CNOT3: variants seen among roughly 807,000 people sequenced by gnomAD.
CNOT3 encodes the protein CCR4-NOT transcription complex subunit 3, also known as CCR4-associated factor 3.
Under a neutral mutation model 89.4 loss-of-function variants are expected in CNOT3, and 2 were observed. The ratio of observed to expected loss-of-function variants is 0.02; its 90% CI spans 0.01 to 0.07. The LOEUF (loss-of-function observed/expected upper bound fraction) is 0.07. Ranked by LOEUF, CNOT3 falls within the 10% of genes least tolerant of loss-of-function variation. CNOT3 has a pLI of 1.00. For missense variants in CNOT3, 664 were observed against 1,010.2 expected, an observed-to-expected ratio of 0.66 and a Z score of 4.65; for synonymous variants, 486 against 402.0, an observed-to-expected ratio of 1.21 and a Z score of -2.50.
At chr19:54,147,326 C>T (rs2074734221) in intron 10 of CNOT3, among the ~76,000 whole-genome samples, 1 of 152,162 alleles carries the variant, frequency 6.6e-6, no homozygotes, top group Non-Finnish European at 1.5e-5. Context: ...AAGGGGACAC[C>T]CTGAGTGGGC....
Position 54,142,930 on chromosome 19 carries a change from G to C in CNOT3, c.-49G>C, listed in dbSNP as rs150786079. On this transcript the variant is annotated splice_region_variant and 5_prime_UTR_variant, in exon 2 of 18. Coordinates refer to ENST00000221232, the MANE Select transcript of CNOT3 (RefSeq NM_014516.4). ...TTCCTCTCCAATCTCTCCTAGCAGC[G>C]TCCGTCTCCAAGAGAGTATGAAGAG... 1.3e-6 allele frequency: 2 copies of C among 1,597,942 alleles called. No homozygotes were observed. Among genetic ancestry groups the C allele is most frequent in the Non-Finnish European group, 1.7e-6 (2 of 1,166,116 alleles).
chr19:54,152,731 G>A, intron 15 of CNOT3, 105 bp downstream of exon 15: 1 of 1,063,734 alleles, frequency 9.4e-7, no homozygotes, highest in Non-Finnish European at 1.4e-6. Context: ...CCCTGACTTG[G>A]GCTCTCCACT....
intron 17 of CNOT3, 46 bp downstream of exon 17, chr19:54,153,886 A>G (rs2075278719): frequency 6.2e-7 from 1 of 1,613,570 alleles, no homozygotes; most frequent in East Asian, 2.2e-5. Context: ...GTTGGGGTAG[A>G]GTCCCCAGGC....
rs776162140 is a variant in CNOT3 at position 54,143,704 on chromosome 19, C to A, written c.213C>A (p.Ile71=). 6.2e-7 allele frequency: 1 copy of A among 1,613,926 alleles called. No individual in the cohort carries two copies. Among genetic ancestry groups the A allele is most frequent in the Non-Finnish European group, 8.5e-7 (1 of 1,180,002 alleles). ...QIKTWVASNE[I]KDKRQLIDNR... The stretch of plus-strand genomic sequence containing the variant: ...AGACATGGGTAGCGTCCAACGAGAT[C>A]AAGGACAAGAGGCAGCTTATAGACA... The change falls in exon 5 of 18, where the codon ATC becomes ATA. Residue 71 remains isoleucine, a synonymous_variant. Coordinates refer to ENST00000221232, the MANE Select transcript of CNOT3 (RefSeq NM_014516.4).
rs1600449605 is a variant in CNOT3, at chr19:54,148,002, C to T, written c.895-146C>T. 1.9e-6 allele frequency: 1 copy of T among 528,014 alleles called. No individual in the cohort carries two copies. The highest frequency in any genetic ancestry group is 3.8e-5 in the South Asian group (1 of 26,230). The allele number at this position is 528,014 out of a possible 1,614,324, so 32.7% of individuals were successfully genotyped here. A position where few individuals can be genotyped will look rare whatever the true frequency, so the allele number is the denominator to read the frequency against. ...GAAGCCATGAGGGTGAGTAAGGTCACCCAGGTCCCCAAGAGGGCAGGAGCA... is the reference window on the plus strand; with the variant it reads ...GAAGCCATGAGGGTGAGTAAGGTCATCCAGGTCCCCAAGAGGGCAGGAGCA... On this transcript the variant is annotated intron_variant, in intron 10 of 17. Transcript: ENST00000221232. The surrounding 1 kb of genome is among the most constrained non-coding windows in gnomAD (Gnocchi z 6.3).
In CNOT3 at chr19:54,153,895, G is replaced by C. The variant is rs989989967; in HGVS notation, c.2163+55G>C. 6 of 1,612,010 alleles carry C rather than the reference G, an allele frequency of 3.7e-6. No homozygotes were observed. In the African/African-American group the frequency reaches 8.0e-5, roughly 22 times the overall value. ...GCTAGGGTTGGGGTAGAGTCCCCAG[G>C]CTCCAGGCAGCCCCTGCTGGCCTCT... On this transcript the variant is annotated intron_variant, in intron 17 of 17. Coordinates refer to ENST00000221232, the MANE Select transcript of CNOT3 (RefSeq NM_014516.4).
Position 54,152,486 on chromosome 19 carries a change from G to A in CNOT3, c.1764G>A (p.Leu588=). The change falls in exon 15 of 18, where the codon CTG becomes CTA. Residue 588 remains leucine (L), a synonymous_variant. Coordinates refer to ENST00000221232, the MANE Select transcript of CNOT3 (RefSeq NM_014516.4). ...PPASAQPPLQ[L]SEVNIPLSLG... ...CCTCAGCCCAGCCGCCCCTGCAGCTGTCAGAGGTGAACATACCGCTGTCGC... is the reference window on the plus strand; with the variant it reads ...CCTCAGCCCAGCCGCCCCTGCAGCTATCAGAGGTGAACATACCGCTGTCGC... 5.0e-6 allele frequency: 8 copies of A among 1,614,220 alleles called. No homozygotes were observed. Among genetic ancestry groups the A allele is most frequent in the Non-Finnish European group, 6.8e-6 (8 of 1,180,032 alleles).
At chr19:54,153,677 G>C in intron 16 of CNOT3, 38 bp from the exon 17 acceptor site, 3 of 1,595,490 alleles carry the variant, frequency 1.9e-6, no homozygotes, top group Non-Finnish European at 2.6e-6. Flanking sequence ...CCCAGTTTGG[G>C]GGCCCCCTGA....
chr19:54,153,682 C>T, intron 16 of CNOT3, 33 bp from the exon 17 acceptor site: 1 of 1,604,770 alleles, frequency 6.2e-7, no homozygotes, highest in Non-Finnish European at 8.5e-7. Flanking sequence ...TTTGGGGGCC[C>T]CCTGATCCCC....
chr19:54,138,935 CTCCCCTGCA>C (rs1238398101), intron 1 of CNOT3, among the ~76,000 whole-genome samples: 2 of 152,218 alleles, frequency 1.3e-5, no homozygotes, highest in Non-Finnish European at 2.9e-5. Context: ...CAGCCTTGAA[CTCCCCTGCA>C]TCGTGACTCT....
At chr19:54,149,921 C>T (rs2074970911) in intron 13 of CNOT3, among the ~76,000 whole-genome samples, 163 bp downstream of exon 13, 1 of 152,076 alleles carries the variant, frequency 6.6e-6, no homozygotes, top group South Asian at 2.1e-4. Context: ...TCTGTACCAC[C>T]CTCCCCGTGA....
chr19:54,152,710 G>A (rs1759367589), intron 15 of CNOT3, 84 bp downstream of exon 15: 3 of 1,217,898 alleles, frequency 2.5e-6, no homozygotes, highest in Non-Finnish European at 3.6e-6. Flanking sequence ...GCTGTGGGTA[G>A]AGCACCAGGC....
chr19:54,144,228 C>G lies in CNOT3; in HGVS notation c.388-9C>G. ...GCTGATGGGCTTCCTCTTCCTCTCC[C>G]TCCCCTAGAATACCATCGACACGCT... On this transcript the variant is annotated splice_polypyrimidine_tract_variant and intron_variant, in intron 6 of 17. Transcript: ENST00000221232. This position sits in a 1 kb window ranked among gnomAD's most constrained non-coding sequence, Gnocchi z 4.8. The G allele has an allele frequency of 6.2e-7, 1 of 1,613,860 alleles. No individual in the cohort carries two copies. Among genetic ancestry groups the G allele is most frequent in the East Asian group, 2.2e-5 (1 of 44,870 alleles).
intron 17 of CNOT3, chr19:54,154,164 T>G: frequency 1.9e-6 from 1 of 537,648 alleles, no homozygotes; most frequent in Non-Finnish European, 3.6e-6. Flanking sequence ...TTTCCCAGTA[T>G]GTGTCCCTGC....
chr19:54,138,155 C>T (rs587657677), intron 1 of CNOT3, among the ~76,000 whole-genome samples, 162 bp downstream of exon 1: 2 of 151,990 alleles, frequency 1.3e-5, no homozygotes, highest in Middle Eastern at 3.4e-3. Context: ...GCGGGGCTCC[C>T]GGCGGGGGGC....
chr19:54,152,257 T>C lies in CNOT3; in HGVS notation c.1637T>C (p.Met546Thr). 6.2e-7 allele frequency: 1 copy of C among 1,614,064 alleles called. No homozygotes were observed. The highest frequency in any genetic ancestry group is 8.5e-7 in the Non-Finnish European group (1 of 1,179,994). ...GAGCCTCTGAGCTCCTTGAAGTCCA[T>C]GGCGGAACGGGCAGCCATCAGCTCT... Reference protein sequence around the residue: ...APEPLSSLKSMAERAAISSGI... With the variant: ...APEPLSSLKSTAERAAISSGI... Residue 546 changes from methionine to threonine, a missense_variant, in exon 14 of 18, where the codon ATG becomes ACG. Physicochemically the swap from Met to Thr is moderately conservative, Grantham distance 81. This residue lies in a region of CNOT3 where 545 missense variants were observed against 566.2 expected (regional missense o/e 0.96). Transcript: ENST00000221232.
At chr19:54,139,021 G>T (rs2074341234) in intron 1 of CNOT3, among the ~76,000 whole-genome samples, 1 of 152,166 alleles carries the variant, frequency 6.6e-6, no homozygotes, top group Non-Finnish European at 1.5e-5. Context: ...GCTGGGGGCT[G>T]CTGGGATCCC....
At position 54,152,641 on chromosome 19, in the gene CNOT3, G is replaced by T. The variant is rs777656741; in HGVS notation, c.1904+15G>T. The T allele has an allele frequency of 1.1e-5, 17 of 1,598,656 alleles. No homozygotes were observed. Among genetic ancestry groups the T allele is most frequent in the South Asian group, 9.9e-5 (9 of 90,752 alleles). On this transcript the variant is annotated intron_variant, in intron 15 of 17. Transcript: ENST00000221232. The stretch of plus-strand genomic sequence containing the variant: ...GAGCGTATTCGGTGAGGGGCCACAG[G>T]GAAGGGGGATGGTCTGGGACTTGAG...
intron 1 of CNOT3, among the ~76,000 whole-genome samples, chr19:54,138,228 G>T (rs2074296611): frequency 6.6e-6 from 1 of 151,480 alleles, no homozygotes; most frequent in Non-Finnish European, 1.5e-5. Context: ...GCCTCCCGGG[G>T]GTCCTTCCGC....
Sources: allele counts gnomAD v4.1 joint callset (sites outside exome capture counted in the v4.1 genomes callset), GRCh38; gene constraint gnomAD v4.1.1; regional missense constraint gnomAD v4.1.1; non-coding constraint Gnocchi (gnomAD v3.1); transcripts MANE v1.5; gene names NCBI Gene and HGNC (gene_info 2026-07-23, HGNC 2026-07-21).